The following FER1L6 variants were observed in gnomAD, a reference collection of about 807,000 sequenced individuals.
The protein encoded by FER1L6 is fer-1-like protein 6.
Under a neutral mutation model 219.2 loss-of-function variants are expected in FER1L6, and 177 were observed. That is an observed-to-expected ratio of 0.81 (90% CI 0.71 to 0.91). The LOEUF (loss-of-function observed/expected upper bound fraction) is 0.91, where lower values mean the gene tolerates loss of function less well. Ranked by LOEUF, FER1L6 falls within the 40% of genes least tolerant of loss-of-function variation. The pLI is 0.00. For synonymous variants in FER1L6, 768 were observed against 824.3 expected, an observed-to-expected ratio of 0.93 and a Z score of 1.17; for missense variants, 2,153 against 2,259.9, an observed-to-expected ratio of 0.95 and a Z score of 0.96.
intron 7 of FER1L6, among the ~76,000 whole-genome samples, chr8:123,974,680 A>AAAAAAAAAAAAAAT (rs1362934333): frequency 6.7e-6 from 1 of 148,488 alleles, no homozygotes; most frequent in Non-Finnish European, 1.5e-5. Flanking sequence ...AAAAAAAAAA[A>AAAAAAAAAAAAAAT]AAGAAATGTG....
intron 39 of FER1L6, among the ~76,000 whole-genome samples, chr8:124,107,568 G>A (rs28521184): frequency 0.028 from 4,288 of 152,280 alleles, 194 homozygotes; most frequent in African/African-American, 0.096. Flanking sequence ...TACCAGAGTA[G>A]TGGCAATTTC....
intron 22 of FER1L6, among the ~76,000 whole-genome samples, chr8:124,058,305 TC>T (rs1449316647): frequency 6.6e-6 from 1 of 152,132 alleles, no homozygotes; most frequent in Admixed American, 6.6e-5. Flanking sequence ...TACTTTGAGG[TC>T]CTGATATTTT....
chr8:123,967,497 T>C (rs1360016543), intron 5 of FER1L6, among the ~76,000 whole-genome samples: 3 of 152,204 alleles, frequency 2.0e-5, no homozygotes, highest in Non-Finnish European at 4.4e-5. Flanking sequence ...CTACTTATAA[T>C]AGTATAACTG....
At chr8:124,001,972 G>T (rs1817428559) in intron 12 of FER1L6, among the ~76,000 whole-genome samples, 1 of 152,208 alleles carries the variant, frequency 6.6e-6, no homozygotes, top group African/African-American at 2.4e-5. Flanking sequence ...CATGCTCTCA[G>T]GAGAAGTGGG....
At chr8:123,965,727 C>G (rs557718567) in intron 3 of FER1L6, among the ~76,000 whole-genome samples, 1 of 152,244 alleles carries the variant, frequency 6.6e-6, no homozygotes, top group Non-Finnish European at 1.5e-5. Flanking sequence ...ATAAAAAGAG[C>G]TGACATTTAT....
intron 1 of FER1L6, among the ~76,000 whole-genome samples, chr8:123,910,437 C>T (rs1483360351): frequency 6.6e-6 from 1 of 152,164 alleles, no homozygotes; most frequent in Non-Finnish European, 1.5e-5. Context: ...TCAGCATTGC[C>T]GGAGTTGCTT....
At chr8:124,003,774 T>G (rs565577661) in intron 13 of FER1L6, among the ~76,000 whole-genome samples, 2 of 151,952 alleles carry the variant, frequency 1.3e-5, no homozygotes, top group African/African-American at 4.8e-5. Flanking sequence ...GCCAGAAACA[T>G]AATTTTTTAA....
At chr8:123,875,165 A>G (rs1816985255) in intron 1 of FER1L6, among the ~76,000 whole-genome samples, 1 of 152,138 alleles carries the variant, frequency 6.6e-6, no homozygotes. Context: ...ACTGCACTCC[A>G]GCCTGGTGAT....
At chr8:123,983,482 G>A (rs1163358077) in intron 11 of FER1L6, among the ~76,000 whole-genome samples, 1 of 152,074 alleles carries the variant, frequency 6.6e-6, no homozygotes, top group East Asian at 1.9e-4. Flanking sequence ...TAGAAGGAGA[G>A]GTATGAAATA....
intron 39 of FER1L6, among the ~76,000 whole-genome samples, chr8:124,112,901 T>C (rs904396868): frequency 6.6e-6 from 1 of 152,172 alleles, no homozygotes; most frequent in African/African-American, 2.4e-5. Flanking sequence ...TGTGAATGTA[T>C]AGGAAATTTG....
At chr8:124,028,898 G>C (rs759752858) in intron 18 of FER1L6, among the ~76,000 whole-genome samples, 12 of 152,182 alleles carry the variant, frequency 7.9e-5, no homozygotes, top group Non-Finnish European at 1.3e-4. Flanking sequence ...TTTAAGCCTT[G>C]CATGTATTAG....
chr8:123,885,230 C>T (rs909356021), intron 1 of FER1L6, among the ~76,000 whole-genome samples: 5 of 152,176 alleles, frequency 3.3e-5, no homozygotes, highest in Non-Finnish European at 4.4e-5. Context: ...TGGTTTAGGC[C>T]ATGCTGTTTG....
At chr8:123,855,800 A>G (rs1816627767) in intron 1 of FER1L6, among the ~76,000 whole-genome samples, 1 of 144,850 alleles carries the variant, frequency 6.9e-6, no homozygotes, top group African/African-American at 2.7e-5. Flanking sequence ...ATATATATAT[A>G]TATGTGTATA....
At chr8:123,876,788 C>T (rs1440174070) in intron 1 of FER1L6, among the ~76,000 whole-genome samples, 1 of 152,180 alleles carries the variant, frequency 6.6e-6, no homozygotes, top group Non-Finnish European at 1.5e-5. Flanking sequence ...TTCTCTCTCT[C>T]AACTAGAATA....
At chr8:123,961,813 T>C (rs1317684410) in intron 2 of FER1L6, among the ~76,000 whole-genome samples, 3 of 152,040 alleles carry the variant, frequency 2.0e-5, no homozygotes, top group Non-Finnish European at 4.4e-5. Flanking sequence ...ACAAAAGCAC[T>C]CAAGTGTGCA....
intron 21 of FER1L6, among the ~76,000 whole-genome samples, chr8:124,048,441 C>T (rs76813467): frequency 0.014 from 2,136 of 152,284 alleles, 45 homozygotes; most frequent in African/African-American, 0.049. Context: ...AGAATGACTG[C>T]GCAGCCCCAT....
Position 124,082,334 on chromosome 8 carries a change from A to T in FER1L6, c.4267A>T (p.Ile1423Phe). The change falls in exon 33 of 41, where the codon ATC becomes TTC. Residue 1423 changes from isoleucine to phenylalanine, a missense_variant. Transcript: ENST00000522917. Reference protein sequence around the residue: ...ATFPKESLLSILIYDHDMIGT... With the variant: ...ATFPKESLLSFLIYDHDMIGT... ...ATTCCCAAAAGAGTCCCTGCTCTCC[A>T]TCCTGATCTATGACCATGACATGAT... The T allele has an allele frequency of 6.2e-7, 1 of 1,613,940 alleles. No homozygotes were observed. The highest frequency in any genetic ancestry group is 8.5e-7 in the Non-Finnish European group (1 of 1,179,886).
chr8:123,889,574 A>G (rs79269538), intron 1 of FER1L6, among the ~76,000 whole-genome samples: 4,221 of 152,232 alleles, frequency 0.028, 198 homozygotes, highest in African/African-American at 0.096. Flanking sequence ...AATACAAAAA[A>G]GAAAAAGAAT....
intron 1 of FER1L6, among the ~76,000 whole-genome samples, chr8:123,862,590 C>T (rs1023795751): frequency 6.9e-6 from 1 of 144,062 alleles, no homozygotes; most frequent in African/African-American, 2.8e-5. Context: ...TAGAATTCGG[C>T]TGTGAATCCA....
Sources: allele counts gnomAD v4.1 joint callset (sites outside exome capture counted in the v4.1 genomes callset), GRCh38; gene constraint gnomAD v4.1.1; transcripts MANE v1.5; gene names NCBI Gene and HGNC (gene_info 2026-07-23, HGNC 2026-07-21).